ZNF324B: variants seen among roughly 807,000 people sequenced by gnomAD.
ZNF324B encodes zinc finger protein 324B.
Under a neutral mutation model 10.6 loss-of-function variants are expected in ZNF324B, and 7 were observed. The observed-to-expected ratio is 0.66, with a 90% CI of 0.38 to 1.24. The LOEUF (loss-of-function observed/expected upper bound fraction) is 1.24, where lower values mean the gene tolerates loss of function less well. Among genes scored for constraint, ZNF324B ranks in the 50% most tolerant of loss-of-function variants. The pLI, the probability that ZNF324B is intolerant of heterozygous loss-of-function variation, is 0.02. For missense variants in ZNF324B, 640 were observed against 764.7 expected (o/e 0.84, Z 1.92); for synonymous variants, 316 against 321.0 (o/e 0.98, Z 0.17).
chr19:58,449,982 C>A (rs1294378682), upstream of ZNF324B, among the ~76,000 whole-genome samples: 7 of 152,262 alleles, frequency 4.6e-5, no homozygotes, highest in Non-Finnish European at 4.4e-5. Context: ...GTGTCCCCAA[C>A]CAAATCTCAT....
At chr19:58,446,309 G>A in the ZNF324B span, among the ~76,000 whole-genome samples, 1 of 152,166 alleles carries the variant, frequency 6.6e-6, no homozygotes, top group Non-Finnish European at 1.5e-5. Context: ...GAAGCTGACA[G>A]AACCCATGTT....
At chr19:58,423,195 T>C in the ZNF324B span, among the ~76,000 whole-genome samples, 1 of 151,746 alleles carries the variant, frequency 6.6e-6, no homozygotes, top group Non-Finnish European at 1.5e-5. Context: ...AGTCTTGCTC[T>C]GTCGCCCAGG....
chr19:58,433,988 G>C, the ZNF324B span: 2 of 1,614,106 alleles, frequency 1.2e-6, no homozygotes, highest in Non-Finnish European at 1.7e-6. Context: ...CATTCAAAAG[G>C]CCGTTCTCCA....
At chr19:58,421,825 A>T in the ZNF324B span, among the ~76,000 whole-genome samples, 1 of 152,344 alleles carries the variant, frequency 6.6e-6, no homozygotes, top group East Asian at 1.9e-4. Flanking sequence ...AAATGAGGAC[A>T]TTTACCATGT....
chr19:58,454,135 C>T (rs1424507109), intron 2 of ZNF324B, 93 bp from the exon 3 acceptor site: 4 of 834,094 alleles, frequency 4.8e-6, no homozygotes, highest in African/African-American at 1.7e-5. Flanking sequence ...GCACAGATTA[C>T]TGTCTATTTC....
At chr19:58,451,247 G>A (rs955282323), upstream of ZNF324B, among the ~76,000 whole-genome samples, 1 of 152,236 alleles carries the variant, frequency 6.6e-6, no homozygotes, top group Non-Finnish European at 1.5e-5. Context: ...GCCCTACCCG[G>A]TGCGTTTTCT....
chr19:58,445,676 A>G, the ZNF324B span: 1 of 348,100 alleles, frequency 2.9e-6, no homozygotes, highest in Non-Finnish European at 5.6e-6. Flanking sequence ...TCAGCTGGGC[A>G]TGGTAACGCC....
At chr19:58,439,749 C>G in the ZNF324B span, 2 of 1,528,252 alleles carry the variant, frequency 1.3e-6, no homozygotes, top group South Asian at 2.5e-5. Context: ...CTGGGGCACA[C>G]TCCACTTACC....
chr19:58,456,880 A>G lies in ZNF324B; in HGVS notation c.*301A>G. 1 of 505,518 alleles carries G rather than the reference A, an allele frequency of 2.0e-6. No homozygotes were observed. Among genetic ancestry groups the G allele is most frequent in the Non-Finnish European group, 3.6e-6 (1 of 279,968 alleles). 31.3% of individuals were successfully genotyped at this position (505,518 alleles called of 1,614,324 possible). ...GGGGCCATAGGACGCCGACAAAGGC[A>G]GCGCTGCATGGTGGTGCTACTTCAT... On this transcript the variant is annotated 3_prime_UTR_variant, in exon 4 of 4. Coordinates refer to ENST00000336614, the MANE Select transcript of ZNF324B (RefSeq NM_207395.3). This position sits in a 1 kb window ranked among gnomAD's most constrained non-coding sequence, Gnocchi z 4.7.
At chr19:58,444,232 CTCTG>C in the ZNF324B span, 4 of 152,488 alleles carry the variant, frequency 2.6e-5, no homozygotes, top group Middle Eastern at 3.4e-3. Context: ...ATGGCTTCCT[CTCTG>C]TCTTCCAAGA....
chr19:58,434,175 T>C, the ZNF324B span: 4 of 1,614,230 alleles, frequency 2.5e-6, no homozygotes, highest in South Asian at 4.4e-5. Flanking sequence ...CAGTGTGAAC[T>C]CTCCAGTGCT....
chr19:58,427,117 CTTTTTT>C, the ZNF324B span, among the ~76,000 whole-genome samples: 6 of 151,478 alleles, frequency 4.0e-5, no homozygotes, highest in South Asian at 1.0e-3. Context: ...TTTTTTTTTC[CTTTTTT>C]ATTTTTATTT....
chr19:58,454,877 G>A (rs2052897842), intron 3 of ZNF324B: 1 of 556,098 alleles, frequency 1.8e-6, no homozygotes, highest in Non-Finnish European at 3.3e-6. Context: ...TGGAAAGGGA[G>A]GGGGTGGAAC....
rs2052888943 is a variant in ZNF324B, at chr19:58,454,121, A to C, written c.122-107A>C. ...CCCTGTGCTATCTTTAGATTCTCCC[A>C]GTTGCACAGATTACTGTCTATTTCC... is the stretch of plus-strand genomic sequence containing the variant. On this transcript the variant is annotated intron_variant, in intron 2 of 3. Coordinates refer to ENST00000336614, the MANE Select transcript of ZNF324B (RefSeq NM_207395.3). The C allele has an allele frequency of 9.1e-6, 7 of 770,494 alleles. No homozygotes were observed. The South Asian group carries it at 1.1e-4, about 13-fold the overall frequency. 47.7% of individuals were successfully genotyped at this position (770,494 alleles called of 1,614,324 possible). A position where few individuals can be genotyped will look rare whatever the true frequency, so the allele number is the denominator to read the frequency against.
the ZNF324B span, chr19:58,445,314 T>C: frequency 2.1e-6 from 1 of 474,660 alleles, no homozygotes; most frequent in Non-Finnish European, 4.1e-6. Context: ...ATTGTGAGTG[T>C]AGCATGTAGG....
chr19:58,451,464 G>A (rs1008453910), upstream of ZNF324B: 8 of 340,036 alleles, frequency 2.4e-5, no homozygotes, highest in East Asian at 1.2e-4. Context: ...GGCGCCCAGC[G>A]CGGCGGCGCT....
Position 58,456,461 on chromosome 19 carries a change from A to T in ZNF324B, c.1517A>T (p.Glu506Val). The T allele has an allele frequency of 1.2e-6, 2 of 1,614,058 alleles. No homozygotes were observed. The highest frequency in any genetic ancestry group is 1.7e-6 in the Non-Finnish European group (2 of 1,180,030). Residue 506 changes from glutamate (E) to valine (V), a missense_variant, in exon 4 of 4, where the codon GAG becomes GTG. Coordinates refer to ENST00000336614, the MANE Select transcript of ZNF324B (RefSeq NM_207395.3). This position sits in a 1 kb window ranked among gnomAD's most constrained non-coding sequence, Gnocchi z 4.7. ...CACCACCAGAGGATCCACACCACAG[A>T]GAAGACCAATGCCGCAGCACCAGAC... ...LLHHQRIHTT[E>V]KTNAAAPDCT...
the ZNF324B span, chr19:58,419,079 G>A: frequency 6.6e-6 from 1 of 152,130 alleles, no homozygotes; most frequent in African/African-American, 2.4e-5. Context: ...AGTCAAGGTT[G>A]GCCTAATTTG....
At chr19:58,432,184 T>A in the ZNF324B span, 3 of 396,808 alleles carry the variant, frequency 7.6e-6, no homozygotes, top group Non-Finnish European at 1.5e-5. Flanking sequence ...AAAACCACTT[T>A]CCTGGACGTC....
Sources: allele counts gnomAD v4.1 joint callset (sites outside exome capture counted in the v4.1 genomes callset), GRCh38; gene constraint gnomAD v4.1.1; non-coding constraint Gnocchi (gnomAD v3.1); transcripts MANE v1.5; gene names NCBI Gene and HGNC (gene_info 2026-07-23, HGNC 2026-07-21).